The following PPFIBP1 variants were observed in gnomAD, a reference collection of about 807,000 sequenced individuals.
PPFIBP1 encodes the protein PPFIB scaffold protein 1.
In PPFIBP1, 112 loss-of-function variants were observed where a neutral mutation model predicts 137.8. The observed-to-expected ratio is 0.81, with a 90% CI of 0.70 to 0.95. The LOEUF (loss-of-function observed/expected upper bound fraction) is 0.95. PPFIBP1 is among the 40% of genes least tolerant of loss of function. The pLI is 0.00. For synonymous variants in PPFIBP1, 378 were observed against 417.3 expected, an observed-to-expected ratio of 0.91 and a Z score of 1.15; for missense variants, 1,083 against 1,196.6, an observed-to-expected ratio of 0.91 and a Z score of 1.40.
intron 2 of PPFIBP1, among the ~76,000 whole-genome samples, chr12:27,579,962 G>T (rs113039092): frequency 2.1e-3 from 324 of 152,264 alleles, no homozygotes; most frequent in African/African-American, 7.4e-3. Context: ...GCAGAGAAGG[G>T]TTTTGATTGC....
chr12:27,534,431 G>A (rs1434929704), intron 1 of PPFIBP1, among the ~76,000 whole-genome samples: 1 of 152,168 alleles, frequency 6.6e-6, no homozygotes, highest in Non-Finnish European at 1.5e-5. Flanking sequence ...TGGCTCTGGG[G>A]ATTATTGTCA....
At chr12:27,682,333 A>T in intron 22 of PPFIBP1, 54 bp from the exon 23 acceptor site, 1 of 1,245,730 alleles carries the variant, frequency 8.0e-7, no homozygotes, top group Non-Finnish European at 1.2e-6. Context: ...ATCCTTTGCC[A>T]GTGGCACCCA....
intron 2 of PPFIBP1, among the ~76,000 whole-genome samples, chr12:27,588,446 C>G (rs1565822360): frequency 6.6e-6 from 1 of 152,164 alleles, no homozygotes; most frequent in African/African-American, 2.4e-5. Context: ...CATCCCATGT[C>G]CTGCTTGGGG....
At chr12:27,600,654 G>A (rs771094764) in intron 2 of PPFIBP1, among the ~76,000 whole-genome samples, 5 of 151,458 alleles carry the variant, frequency 3.3e-5, no homozygotes, top group Non-Finnish European at 7.4e-5. Flanking sequence ...TTCTGAATTT[G>A]ATGTTAATCT....
chr12:27,610,462 A>G (rs1398337326), intron 2 of PPFIBP1, among the ~76,000 whole-genome samples: 1 of 152,208 alleles, frequency 6.6e-6, no homozygotes, highest in Non-Finnish European at 1.5e-5. Flanking sequence ...GAGCACTTAA[A>G]GCGCCCAGAC....
rs2054062607 is a variant in PPFIBP1 at position 27,602,148 on chromosome 12, C to T, written c.-36+23909C>T. On this transcript the variant is annotated intron_variant, in intron 2 of 29. Transcript: ENST00000228425. ...AAAGTTTCATTAGAAGCAGATGGGA[C>T]AATATTCTAGCGTCAGGATTGGGCT... Among the ~76,000 whole-genome samples the T allele has an allele frequency of 2.6e-5, 4 of 152,134 alleles. No homozygotes were observed. The South Asian group carries it at 8.3e-4, about 32-fold the overall frequency.
In PPFIBP1 at chr12:27,687,238, A is replaced by G. The variant is rs1593390154; in HGVS notation, c.2248-147A>G. 8.8e-6 allele frequency: 8 copies of G among 908,818 alleles called. 1 individual carries two copies. Among genetic ancestry groups the G allele is most frequent in the Non-Finnish European group, 1.2e-5 (8 of 650,102 alleles). The allele number at this position is 908,818 out of a possible 1,614,324, so 56.3% of individuals were successfully genotyped here. On this transcript the variant is annotated intron_variant, in intron 24 of 29. Transcript: ENST00000228425. ...GGGGTTTGGGGGAAGATTTTGTTCC[A>G]AATGGGAAAGTGGGTTCTGACAAGA...
intron 1 of PPFIBP1, among the ~76,000 whole-genome samples, chr12:27,526,359 A>C (rs1202070089): frequency 1.3e-5 from 2 of 152,254 alleles, no homozygotes; most frequent in Admixed American, 1.3e-4. Flanking sequence ...GAATAATAGC[A>C]GTAATTTTAC....
chr12:27,604,043 A>G (rs1317827164), intron 2 of PPFIBP1, among the ~76,000 whole-genome samples: 2 of 152,168 alleles, frequency 1.3e-5, no homozygotes, highest in African/African-American at 2.4e-5. Context: ...AGTGATCAAA[A>G]TGTGAAGACC....
intron 1 of PPFIBP1, among the ~76,000 whole-genome samples, chr12:27,525,784 T>C (rs1278586193): frequency 6.6e-6 from 1 of 152,224 alleles, no homozygotes; most frequent in Non-Finnish European, 1.5e-5. Flanking sequence ...TGGGGTTCTC[T>C]ATCTTTCTAG....
chr12:27,663,959 A>C (rs560361905), intron 11 of PPFIBP1, among the ~76,000 whole-genome samples: 1 of 152,346 alleles, frequency 6.6e-6, no homozygotes, highest in South Asian at 2.1e-4. Context: ...TGGCTAATAA[A>C]GACAGAAGAT....
chr12:27,645,513 G>T (rs549991693), intron 4 of PPFIBP1, among the ~76,000 whole-genome samples: 2 of 152,316 alleles, frequency 1.3e-5, no homozygotes, highest in Admixed American at 6.5e-5. Context: ...AGAGCACTGA[G>T]CCAGATGCTG....
In PPFIBP1 at chr12:27,662,064, A is replaced by G. The variant is rs529108908; in HGVS notation, c.906+1119A>G. On this transcript the variant is annotated intron_variant, in intron 11 of 29. Coordinates refer to ENST00000228425, the MANE Select transcript of PPFIBP1 (RefSeq NM_003622.4). ...TGAATGAGGGCTTATGAGATGCTCA[A>G]ACTGTTAGAGGGGCACCCAGCATAA... Among the ~76,000 whole-genome samples the G allele has an allele frequency of 2.4e-4, 37 of 151,642 alleles. No individual in the cohort carries two copies. In the Middle Eastern group the frequency reaches 0.01, roughly 42 times the overall value.
At chr12:27,674,247 C>A in intron 17 of PPFIBP1, 26 bp downstream of exon 17, 1 of 1,556,268 alleles carries the variant, frequency 6.4e-7, no homozygotes, top group Admixed American at 1.8e-5. Flanking sequence ...AATTACAATG[C>A]AAAAATATTT....
At chr12:27,690,073 G>T (rs1372040284) in intron 27 of PPFIBP1, among the ~76,000 whole-genome samples, 1 of 152,032 alleles carries the variant, frequency 6.6e-6, no homozygotes, top group African/African-American at 2.4e-5. Context: ...TTTTCTCAGG[G>T]GCTTCCCCTC....
chr12:27,669,266 A>G (rs558521757), intron 13 of PPFIBP1, among the ~76,000 whole-genome samples: 1 of 152,338 alleles, frequency 6.6e-6, no homozygotes, highest in Non-Finnish European at 1.5e-5. Context: ...TTCATTAATC[A>G]AGGAATTAGT....
intron 2 of PPFIBP1, among the ~76,000 whole-genome samples, chr12:27,629,216 A>G (rs948913778): frequency 2.6e-5 from 4 of 152,226 alleles, no homozygotes; most frequent in African/African-American, 9.6e-5. Context: ...TGCTTTCAAC[A>G]TTTAGCCAAC....
At chr12:27,624,109 G>A (rs574860084) in intron 2 of PPFIBP1, among the ~76,000 whole-genome samples, 3 of 152,220 alleles carry the variant, frequency 2.0e-5, no homozygotes, top group South Asian at 4.2e-4. Context: ...ATCAGTGCAT[G>A]TCATGGCACA....
At chr12:27,664,613 G>C (rs1184686131) in intron 12 of PPFIBP1, among the ~76,000 whole-genome samples, 167 bp downstream of exon 12, 1 of 152,202 alleles carries the variant, frequency 6.6e-6, no homozygotes, top group Admixed American at 6.5e-5. Flanking sequence ...AAAGTGTCCA[G>C]CCTGAGGAGT....
Sources: gnomAD v4.1 joint callset for allele counts (sites outside exome capture counted in the v4.1 genomes callset) on GRCh38, gnomAD v4.1.1 for gene constraint, MANE v1.5 for transcripts, NCBI Gene and HGNC (gene_info 2026-07-23, HGNC 2026-07-21) for gene names.